Variants in GLYATL2 observed in about 807,000 individuals in gnomAD.
GLYATL2 encodes glycine N-acyltransferase-like protein 2.
A neutral mutation model predicts 21.4 loss-of-function variants in GLYATL2; 25 were observed. The observed-to-expected ratio is 1.17, with a 90% CI of 0.85 to 1.63. The LOEUF (loss-of-function observed/expected upper bound fraction) is 1.63. GLYATL2 is among the 40% of genes most tolerant of loss of function. The pLI, the probability that GLYATL2 is intolerant of heterozygous loss-of-function variation, is 0.00. For synonymous variants in GLYATL2, 114 were observed against 118.2 expected (o/e 0.96, Z 0.23); for missense variants, 361 against 343.3 (o/e 1.05, Z -0.41).
At chr11:58,852,761 C>T (rs1010227836) in intron 1 of GLYATL2, among the ~76,000 whole-genome samples, 9 of 152,150 alleles carry the variant, frequency 5.9e-5, no homozygotes, top group Non-Finnish European at 1.0e-4. Flanking sequence ...TCTCTTTAAT[C>T]GTTAACTACT....
At chr11:58,900,419 G>T (rs1328308317) in intron 1 of GLYATL2, among the ~76,000 whole-genome samples, 2 of 152,160 alleles carry the variant, frequency 1.3e-5, no homozygotes, top group Admixed American at 1.3e-4. Context: ...GCGAAAGCAG[G>T]ATGCCTGGCA....
intron 1 of GLYATL2, among the ~76,000 whole-genome samples, chr11:58,881,135 T>C (rs1011173518): frequency 2.8e-4 from 42 of 152,310 alleles, no homozygotes; most frequent in African/African-American, 9.4e-4. Flanking sequence ...AACTAACATA[T>C]GTTAAATATT....
chr11:58,854,095 G>A (rs1333629605), intron 1 of GLYATL2, among the ~76,000 whole-genome samples: 1 of 152,136 alleles, frequency 6.6e-6, no homozygotes, highest in Non-Finnish European at 1.5e-5. Context: ...TTAACATAAT[G>A]TACTCCAAGT....
At chr11:58,854,405 T>G (rs949209283) in intron 1 of GLYATL2, among the ~76,000 whole-genome samples, 7 of 152,250 alleles carry the variant, frequency 4.6e-5, no homozygotes, top group Admixed American at 2.0e-4. Flanking sequence ...ATAAAAGTTA[T>G]GTTCACTCTA....
At chr11:58,869,416 C>A (rs1854077463) in intron 1 of GLYATL2, among the ~76,000 whole-genome samples, 1 of 152,104 alleles carries the variant, frequency 6.6e-6, no homozygotes, top group Non-Finnish European at 1.5e-5. Context: ...GAGGTTTGGC[C>A]TTTAAAAATC....
intron 1 of GLYATL2, among the ~76,000 whole-genome samples, chr11:58,878,677 C>G (rs886641899): frequency 2.6e-5 from 4 of 151,972 alleles, no homozygotes; most frequent in Non-Finnish European, 5.9e-5. Flanking sequence ...TTCCTGTGCA[C>G]CTGGGTAGGA....
In GLYATL2 at chr11:58,874,256, A is replaced by AT. The variant is rs778471399; in HGVS notation, n.60+29899dup. Among the ~76,000 whole-genome samples the AT allele has an allele frequency of 2.0e-3, 298 of 152,126 alleles. 3 individuals are homozygous for AT. The highest frequency in any genetic ancestry group is 6.9e-3 in the African/African-American group (288 of 41,474). On this transcript the variant is annotated intron_variant and non_coding_transcript_variant, in intron 1 of 4. Transcript: ENST00000533636. The stretch of plus-strand genomic sequence containing the variant: ...AAAAAACCAGCTCCTGGATTCAGTG[A>AT]TTTTTTGAAGGCTTTTTGTGTCTCT...
intron 2 of GLYATL2, among the ~76,000 whole-genome samples, chr11:58,838,800 G>A (rs9943655): frequency 0.19 from 29,619 of 152,010 alleles, 3,035 homozygotes; most frequent in East Asian, 0.26. Context: ...TTCAACCATC[G>A]TAGGACACGT....
At chr11:58,906,570 C>T (rs924326111), upstream of GLYATL2, among the ~76,000 whole-genome samples, 1 of 152,084 alleles carries the variant, frequency 6.6e-6, no homozygotes, top group Non-Finnish European at 1.5e-5. Flanking sequence ...TCCAGGAAGA[C>T]CTGAATGTGG....
upstream of GLYATL2, among the ~76,000 whole-genome samples, chr11:58,848,978 G>A (rs1001079915): frequency 2.5e-4 from 38 of 152,104 alleles, no homozygotes; most frequent in African/African-American, 8.9e-4. Flanking sequence ...AACATACAAT[G>A]GAGATACAAT....
chr11:58,877,796 G>C (rs192603277), intron 1 of GLYATL2, among the ~76,000 whole-genome samples: 14 of 152,324 alleles, frequency 9.2e-5, no homozygotes, highest in Admixed American at 3.9e-4. Flanking sequence ...AGCATGTATA[G>C]ACAATAGTTT....
At chr11:58,877,485 CA>C (rs1201852495) in intron 1 of GLYATL2, among the ~76,000 whole-genome samples, 2 of 152,016 alleles carry the variant, frequency 1.3e-5, no homozygotes, top group Admixed American at 1.3e-4. Context: ...GGTGTGGATA[CA>C]AATGAGAGCC....
chr11:58,864,927 GC>G (rs1272991762), intron 1 of GLYATL2, among the ~76,000 whole-genome samples: 1 of 148,786 alleles, frequency 6.7e-6, no homozygotes, highest in Non-Finnish European at 1.5e-5. Context: ...AAGAACGATG[GC>G]AGATCTTATG....
chr11:58,899,007 T>C (rs972209780), intron 1 of GLYATL2, among the ~76,000 whole-genome samples: 7 of 152,192 alleles, frequency 4.6e-5, no homozygotes, highest in African/African-American at 1.4e-4. Flanking sequence ...AGGGGACTGA[T>C]GCCCTATGAA....
intron 1 of GLYATL2, among the ~76,000 whole-genome samples, chr11:58,857,547 G>C (rs577881): frequency 0.89 from 134,945 of 152,070 alleles, 61,033 homozygotes; most frequent in Non-Finnish European, 0.98. Flanking sequence ...AGCGGGAACC[G>C]TTACCACTAG....
chr11:58,882,878 G>T (rs1323310905), intron 1 of GLYATL2, among the ~76,000 whole-genome samples: 1 of 152,170 alleles, frequency 6.6e-6, no homozygotes, highest in African/African-American at 2.4e-5. Flanking sequence ...TTGTAGATGT[G>T]TGGTATTATT....
intron 1 of GLYATL2, among the ~76,000 whole-genome samples, chr11:58,897,942 A>T (rs1229556568): frequency 6.6e-6 from 1 of 152,158 alleles, no homozygotes; most frequent in Non-Finnish European, 1.5e-5. Flanking sequence ...TTTTCTTTTG[A>T]AAAGGATATC....
chr11:58,857,701 A>C (rs574764986), intron 1 of GLYATL2, among the ~76,000 whole-genome samples: 68 of 152,124 alleles, frequency 4.5e-4, no homozygotes, highest in African/African-American at 1.5e-3. Context: ...CTGGACTAGC[A>C]CTTTTAATTT....
At chr11:58,893,939 G>A (rs1424394634) in intron 1 of GLYATL2, among the ~76,000 whole-genome samples, 1 of 152,090 alleles carries the variant, frequency 6.6e-6, no homozygotes, top group Non-Finnish European at 1.5e-5. Context: ...TTATTTTAGT[G>A]ACTAGCTAGG....
Sources: gnomAD v4.1 joint callset for allele counts (sites outside exome capture counted in the v4.1 genomes callset) on GRCh38, gnomAD v4.1.1 for gene constraint, MANE v1.5 for transcripts, NCBI Gene and HGNC (gene_info 2026-07-23, HGNC 2026-07-21) for gene names.